JADE2: variants seen among roughly 807,000 people sequenced by gnomAD.
The protein encoded by JADE2 is E3 ubiquitin-protein ligase Jade-2.
A neutral mutation model predicts 85.7 loss-of-function variants in JADE2; 13 were observed. The ratio of observed to expected loss-of-function variants is 0.15; its 90% CI spans 0.10 to 0.24. The LOEUF (loss-of-function observed/expected upper bound fraction) is 0.24. Ranked by LOEUF, JADE2 falls within the 10% of genes least tolerant of loss-of-function variation. The pLI, the probability that JADE2 is intolerant of heterozygous loss-of-function variation, is 1.00. For synonymous variants in JADE2, 440 were observed against 456.1 expected, an observed-to-expected ratio of 0.96 and a Z score of 0.45; for missense variants, 846 against 1,115.9, an observed-to-expected ratio of 0.76 and a Z score of 3.45.
chr5:134,531,000 C>T (rs1005270535), intron 1 of JADE2, among the ~76,000 whole-genome samples: 2 of 152,122 alleles, frequency 1.3e-5, no homozygotes, highest in Non-Finnish European at 2.9e-5. Context: ...TATACATTCC[C>T]AAGGAGAACG....
At chr5:134,525,467 T>G (rs1413717442), upstream of JADE2, among the ~76,000 whole-genome samples, 1 of 148,534 alleles carries the variant, frequency 6.7e-6, no homozygotes, top group East Asian at 2.0e-4. Flanking sequence ...CAACGCTACC[T>G]GGACTCCCCG....
intron 1 of JADE2, chr5:134,526,349 CGCGG>C (rs1760817791): frequency 8.1e-6 from 8 of 985,108 alleles, no homozygotes; most frequent in Non-Finnish European, 9.6e-6. Context: ...GGCGAGGGGG[CGCGG>C]GCGGGCGGGG....
In JADE2 at chr5:134,556,305, G is replaced by A. The variant is rs530794689; in HGVS notation, c.312-3525G>A. On this transcript the variant is annotated intron_variant, in intron 4 of 11. Transcript: ENST00000681547. ...GAGCTGGCTTTTTGAACTGGCATCA[G>A]GAACTGAGGGGCAGCACACAGCTGA... is the stretch of plus-strand genomic sequence containing the variant. Among the ~76,000 whole-genome samples, 7 of 152,300 alleles carry A rather than the reference G, an allele frequency of 4.6e-5. No homozygotes were observed. In the East Asian group the frequency reaches 1.2e-3, roughly 25 times the overall value.
intron 10 of JADE2, 67 bp from the exon 11 acceptor site, chr5:134,576,701 A>G: frequency 6.5e-7 from 1 of 1,541,822 alleles, no homozygotes; most frequent in Non-Finnish European, 8.8e-7. Context: ...CCACGCAGGG[A>G]TCTTGGTGCT....
At position 134,579,842 on chromosome 5, in the gene JADE2, T is replaced by G. The variant is rs1289951028; in HGVS notation, c.*525T>G. On this transcript the variant is annotated 3_prime_UTR_variant, in exon 12 of 12. Coordinates refer to ENST00000681547, the MANE Select transcript of JADE2 (RefSeq NM_001388185.1). This position sits in a 1 kb window ranked among gnomAD's most constrained non-coding sequence, Gnocchi z 4.6. ...CACTGTCACAAGCACAACGAGTTTA[T>G]ATGAGAAAGCACTGAGGGGGTGCAG... 2 of 154,628 alleles carry G rather than the reference T, an allele frequency of 1.3e-5. No homozygotes were observed. The highest frequency in any genetic ancestry group is 2.9e-5 in the Non-Finnish European group (2 of 69,446). 9.6% of individuals were successfully genotyped at this position (154,628 alleles called of 1,614,324 possible).
rs948578838 is a variant in JADE2, at chr5:134,580,453, C to T, written c.*1136C>T. ...CCCCCCCCGTCCTGCCATCCCCCCC[C>T]GCCGTCCTGCCTTCCCCACCCCACC... On this transcript the variant is annotated 3_prime_UTR_variant, in exon 12 of 12. Transcript: ENST00000681547. 8 of 141,198 alleles carry T rather than the reference C, an allele frequency of 5.7e-5. No homozygotes were observed. The highest frequency in any genetic ancestry group is 2.4e-4 in the East Asian group (1 of 4,176). The allele number at this position is 141,198 out of a possible 1,614,324, so 8.7% of individuals were successfully genotyped here. A position where few individuals can be genotyped will look rare whatever the true frequency, so the allele number is the denominator to read the frequency against.
rs777989664 is a variant in JADE2, at chr5:134,578,875, C to T, written c.2063C>T (p.Thr688Ile). 1 of 1,613,828 alleles carries T rather than the reference C, an allele frequency of 6.2e-7. No individual in the cohort carries two copies. Among genetic ancestry groups the T allele is most frequent in the South Asian group, 1.1e-5 (1 of 91,082 alleles). The change falls in exon 12 of 12, where the codon ACC becomes ATC. Residue 688 changes from threonine (T) to isoleucine (I), a missense_variant. Around this residue, in one of 9 missense-constraint regions of JADE2, gnomAD observed 300 missense variants for 300.7 expected, o/e 1.00. Transcript: ENST00000681547. This position sits in a 1 kb window ranked among gnomAD's most constrained non-coding sequence, Gnocchi z 4.4. Reference sequence around the variant, plus strand: ...GGCAAGGGGGGTCAAGGGCCACCTACCAGGAAGCCACCACGTCGGACATCT... The same window carrying T: ...GGCAAGGGGGGTCAAGGGCCACCTATCAGGAAGCCACCACGTCGGACATCT... ...GSGKGGQGPP[T>I]RKPPRRTSSH...
intron 9 of JADE2, among the ~76,000 whole-genome samples, chr5:134,572,027 G>A (rs796239483): frequency 2.0e-5 from 3 of 152,388 alleles, no homozygotes; most frequent in African/African-American, 7.2e-5. Flanking sequence ...GGCCCCAGCG[G>A]CGTTGCTCAC....
chr5:134,536,785 C>T, intron 2 of JADE2: 1 of 152,414 alleles, frequency 6.6e-6, no homozygotes, highest in Non-Finnish European at 1.5e-5. Context: ...GCTGCCCTGC[C>T]AAGGAGGCCG....
chr5:134,567,827 A>G (rs1437658244), intron 9 of JADE2, among the ~76,000 whole-genome samples: 1 of 152,074 alleles, frequency 6.6e-6, no homozygotes, highest in Non-Finnish European at 1.5e-5. Flanking sequence ...CCAGCTTGCC[A>G]CCAGGCCAGA....
In JADE2 at chr5:134,578,863, A is replaced by G. The variant is rs758505484; in HGVS notation, c.2051A>G (p.Gln684Arg). The G allele has an allele frequency of 2.2e-5, 36 of 1,613,802 alleles. 1 individual carries two copies. The South Asian group carries it at 3.2e-4, about 14-fold the overall frequency. ...GATGCAGGCAGTGGCAAGGGGGGTC[A>G]AGGGCCACCTACCAGGAAGCCACCA... ...GQDAGSGKGG[Q>R]GPPTRKPPRR... Residue 684 changes from glutamine to arginine, a missense_variant, in exon 12 of 12, where the codon CAA becomes CGA. Physicochemically the swap from Gln to Arg is conservative, Grantham distance 43 (BLOSUM62 1). Around this residue, in one of 9 missense-constraint regions of JADE2, gnomAD observed 300 missense variants for 300.7 expected, o/e 1.00. Transcript: ENST00000681547. This position sits in a 1 kb window ranked among gnomAD's most constrained non-coding sequence, Gnocchi z 4.4.
chr5:134,539,505 G>A (rs928499969), intron 3 of JADE2, among the ~76,000 whole-genome samples: 3 of 152,184 alleles, frequency 2.0e-5, no homozygotes, highest in African/African-American at 7.2e-5. Flanking sequence ...GGCCAATCCT[G>A]GCTCTTAAGT....
rs763222107 is a variant in JADE2 at position 134,578,986 on chromosome 5, C to T, written c.2174C>T (p.Pro725Leu). The T allele has an allele frequency of 3.0e-5, 49 of 1,613,618 alleles. No individual in the cohort carries two copies. Among genetic ancestry groups the T allele is most frequent in the Middle Eastern group, 1.6e-4 (1 of 6,084 alleles). The part of the protein sequence containing the change: ...ESPPPLAPET[P>L]DEAASVAADS... ...CCCCCGCCACTGGCCCCTGAGACCC[C>T]GGACGAGGCAGCCTCAGTAGCTGCT... Residue 725 changes from proline (P) to leucine (L), a missense_variant, in exon 12 of 12, where the codon CCG becomes CTG. By Grantham distance (98) the Pro-to-Leu change is moderately conservative. This residue lies in a region of JADE2 where 300 missense variants were observed against 300.7 expected (regional missense o/e 1.00). Transcript: ENST00000681547. The surrounding 1 kb of genome is among the most constrained non-coding windows in gnomAD (Gnocchi z 4.4).
intron 9 of JADE2, among the ~76,000 whole-genome samples, chr5:134,569,093 G>A (rs1451909833): frequency 9.9e-5 from 15 of 152,230 alleles, no homozygotes; most frequent in East Asian, 7.7e-4. Context: ...CTGTAAAATG[G>A]GAATAAGGAT....
At chr5:134,539,813 C>T (rs1342310412) in intron 3 of JADE2, among the ~76,000 whole-genome samples, 1 of 152,192 alleles carries the variant, frequency 6.6e-6, no homozygotes, top group Non-Finnish European at 1.5e-5. Flanking sequence ...TTTAGCCAGC[C>T]CTTGGAGGGG....
Position 134,526,025 on chromosome 5 carries a change from C to T in JADE2, c.-1+14C>T, listed in dbSNP as rs933684763. 9 of 985,476 alleles carry T rather than the reference C, an allele frequency of 9.1e-6. No individual in the cohort carries two copies. In the East Asian group the frequency reaches 8.0e-4, roughly 87 times the overall value. 61.0% of individuals were successfully genotyped at this position (985,476 alleles called of 1,614,324 possible). Reference sequence around the variant, plus strand: ...CCGCGGAGCAAGGTAAGATCCAGCCCCCGGCGGATGGGCCCTGCGCATCTC... The same window carrying T: ...CCGCGGAGCAAGGTAAGATCCAGCCTCCGGCGGATGGGCCCTGCGCATCTC... On this transcript the variant is annotated intron_variant, in intron 1 of 11. Coordinates refer to ENST00000681547, the MANE Select transcript of JADE2 (RefSeq NM_001388185.1).
At chr5:134,560,160 C>T (rs755335433) in intron 5 of JADE2, among the ~76,000 whole-genome samples, 170 bp downstream of exon 5, 3 of 152,186 alleles carry the variant, frequency 2.0e-5, no homozygotes, top group Admixed American at 2.0e-4. Flanking sequence ...CTCTGTGCCA[C>T]CTGAAGTTTC....
intron 3 of JADE2, among the ~76,000 whole-genome samples, chr5:134,539,100 T>C (rs933310401): frequency 1.5e-4 from 22 of 148,172 alleles, no homozygotes; most frequent in South Asian, 4.3e-4. Context: ...CTTGCTTTGT[T>C]GCCCAGGCTG....
In JADE2 at chr5:134,566,609, C is replaced by T; in HGVS notation, c.1434+29C>T. The T allele has an allele frequency of 6.8e-7, 1 of 1,473,832 alleles. No individual in the cohort carries two copies. The highest frequency in any genetic ancestry group is 9.2e-7 in the Non-Finnish European group (1 of 1,089,220). 91.3% of individuals were successfully genotyped at this position (1,473,832 alleles called of 1,614,324 possible). A position where few individuals can be genotyped will look rare whatever the true frequency, so the allele number is the denominator to read the frequency against. On this transcript the variant is annotated intron_variant, in intron 9 of 11. Coordinates refer to ENST00000681547, the MANE Select transcript of JADE2 (RefSeq NM_001388185.1). The surrounding 1 kb of genome is among the most constrained non-coding windows in gnomAD (Gnocchi z 6.7). ...AGTCCCCATGCCGCCTGCCCACCCC[C>T]TGCCTGGTGGGTCCAGGAGTCCTTT...
Sources: gnomAD v4.1 joint callset for allele counts (sites outside exome capture counted in the v4.1 genomes callset) on GRCh38, gnomAD v4.1.1 for gene constraint, gnomAD v4.1.1 regional missense constraint, Gnocchi (gnomAD v3.1) non-coding constraint, MANE v1.5 for transcripts, NCBI Gene and HGNC (gene_info 2026-07-23, HGNC 2026-07-21) for gene names.